FRMD4A: variants seen among roughly 807,000 people sequenced by gnomAD.
The protein encoded by FRMD4A is FERM domain-containing protein 4A.
In FRMD4A, 29 loss-of-function variants were observed where a neutral mutation model predicts 129.1. The ratio of observed to expected loss-of-function variants is 0.22; its 90% CI spans 0.17 to 0.31. FRMD4A has a LOEUF of 0.31. Among genes scored for constraint, FRMD4A ranks in the 10% least tolerant of loss-of-function variants. FRMD4A has a pLI of 1.00. For synonymous variants in FRMD4A, 634 were observed against 571.6 expected, an observed-to-expected ratio of 1.11 and a Z score of -1.56; for missense variants, 1,272 against 1,375.8, an observed-to-expected ratio of 0.92 and a Z score of 1.19.
At chr10:14,209,112 C>T (rs954013065) in intron 2 of FRMD4A, among the ~76,000 whole-genome samples, 2 of 152,124 alleles carry the variant, frequency 1.3e-5, no homozygotes, top group Non-Finnish European at 2.9e-5. Flanking sequence ...TTCTCTTCCT[C>T]ACTTTCCTTG....
At chr10:14,139,095 T>G (rs1839700051) in intron 2 of FRMD4A, among the ~76,000 whole-genome samples, 1 of 152,238 alleles carries the variant, frequency 6.6e-6, no homozygotes, top group South Asian at 2.1e-4. Context: ...TTTGTTAACA[T>G]TTTTTGTAAT....
intron 2 of FRMD4A, among the ~76,000 whole-genome samples, chr10:13,881,322 C>T (rs2094544298): frequency 6.6e-6 from 1 of 150,832 alleles, no homozygotes; most frequent in South Asian, 2.1e-4. Context: ...ACTGGGGAGG[C>T]TGAGGTGGGA....
At position 13,720,329 on chromosome 10, in the gene FRMD4A, A is replaced by G. The variant is rs144790591; in HGVS notation, c.760-13216T>C. The stretch of plus-strand genomic sequence containing the variant: ...CTCCCAAAGTGTTGGGATTACAGGC[A>G]TGAGCTACTGCACCTGGCCCCAGTT... On this transcript the variant is annotated intron_variant, in intron 12 of 24. Coordinates refer to ENST00000357447, the MANE Select transcript of FRMD4A (RefSeq NM_018027.5). Among the ~76,000 whole-genome samples the G allele has an allele frequency of 8.4e-3, 1,273 of 152,358 alleles. 16 individuals are homozygous for G. The highest frequency in any genetic ancestry group is 0.029 in the African/African-American group (1,213 of 41,590).
At chr10:13,851,788 C>G (rs527736088) in intron 3 of FRMD4A, among the ~76,000 whole-genome samples, 2 of 151,600 alleles carry the variant, frequency 1.3e-5, no homozygotes, top group Non-Finnish European at 1.5e-5. Flanking sequence ...TAATCCCAGC[C>G]ACTCAGGAGG....
intron 2 of FRMD4A, among the ~76,000 whole-genome samples, chr10:14,315,487 A>C (rs1180208618): frequency 6.6e-6 from 1 of 152,166 alleles, no homozygotes; most frequent in Non-Finnish European, 1.5e-5. Context: ...TGCTGATTTC[A>C]CCTAATCATT....
At chr10:13,959,173 A>T (rs1314265912) in intron 2 of FRMD4A, among the ~76,000 whole-genome samples, 1 of 152,156 alleles carries the variant, frequency 6.6e-6, no homozygotes, top group Non-Finnish European at 1.5e-5. Context: ...GTCTATCCAT[A>T]TTCAAAAGCT....
rs1305703884 is a variant in FRMD4A at position 14,258,652 on chromosome 10, A to G, written c.45+71406T>C. On this transcript the variant is annotated intron_variant, in intron 2 of 24. Transcript: ENST00000357447. ...GGAAAACAGTTGGGTAGATGACCCAATCATTTTATACCTAGGTATTTACTT... is the reference window on the plus strand; with the variant it reads ...GGAAAACAGTTGGGTAGATGACCCAGTCATTTTATACCTAGGTATTTACTT... 3.3e-5 allele frequency among the ~76,000 whole-genome samples: 5 copies of G among 152,216 alleles called. 1 individual carries two copies. The highest frequency in any genetic ancestry group is 2.6e-4 in the Admixed American group (4 of 15,286).
intron 2 of FRMD4A, among the ~76,000 whole-genome samples, chr10:13,926,700 C>A (rs1372717180): frequency 6.6e-6 from 1 of 150,380 alleles, no homozygotes; most frequent in Admixed American, 6.6e-5. Flanking sequence ...TTCATGTTTT[C>A]TACTTAAGAC....
At chr10:14,072,209 G>A (rs564019162) in intron 2 of FRMD4A, among the ~76,000 whole-genome samples, 1 of 152,104 alleles carries the variant, frequency 6.6e-6, no homozygotes, top group South Asian at 2.1e-4. Flanking sequence ...TGGCTAAATG[G>A]ATATGAAGAC....
At chr10:13,924,963 C>T (rs977175597) in intron 2 of FRMD4A, among the ~76,000 whole-genome samples, 3 of 148,978 alleles carry the variant, frequency 2.0e-5, no homozygotes, top group Non-Finnish European at 4.4e-5. Flanking sequence ...GCTCAGGAGG[C>T]TGAGGCAGGA....
At chr10:13,660,653 A>G (rs2082568825) in intron 19 of FRMD4A, 100 bp from the exon 20 acceptor site, 4 of 721,802 alleles carry the variant, frequency 5.5e-6, no homozygotes, top group Non-Finnish European at 4.8e-6. Flanking sequence ...GGAGCCACAC[A>G]GCCAAACCCA....
intron 3 of FRMD4A, among the ~76,000 whole-genome samples, chr10:13,847,426 C>G (rs558799651): frequency 6.6e-6 from 1 of 152,158 alleles, no homozygotes; most frequent in Non-Finnish European, 1.5e-5. Flanking sequence ...TTCCCCAGAC[C>G]GTTCGCTTCC....
chr10:13,654,858 T>C (rs2082002197), intron 22 of FRMD4A: 2 of 332,050 alleles, frequency 6.0e-6, no homozygotes, highest in Non-Finnish European at 5.4e-6. Context: ...AAGAATCTGA[T>C]GTCCCCATAG....
intron 8 of FRMD4A, among the ~76,000 whole-genome samples, chr10:13,757,254 T>G (rs995174269): frequency 6.6e-6 from 1 of 152,254 alleles, no homozygotes; most frequent in Non-Finnish European, 1.5e-5. Flanking sequence ...GACTTCCTGA[T>G]TGTCGACAGA....
chr10:14,229,172 C>T (rs1006965827), intron 2 of FRMD4A, among the ~76,000 whole-genome samples: 2 of 151,764 alleles, frequency 1.3e-5, no homozygotes, highest in African/African-American at 4.8e-5. Flanking sequence ...ACCCTGAACT[C>T]ATTTCCAGGA....
chr10:13,982,236 C>A (rs1237909732), intron 2 of FRMD4A, among the ~76,000 whole-genome samples: 1 of 152,034 alleles, frequency 6.6e-6, no homozygotes, highest in African/African-American at 2.4e-5. Context: ...GTAATCCCAG[C>A]ACTTTGGGAG....
chr10:14,112,757 C>G (rs1450890986), intron 2 of FRMD4A, among the ~76,000 whole-genome samples: 1 of 152,178 alleles, frequency 6.6e-6, no homozygotes, highest in African/African-American at 2.4e-5. Flanking sequence ...AACTCCTGAC[C>G]TCAGGTGATC....
At chr10:13,725,111 CTTGTT>C (rs1205365752) in intron 12 of FRMD4A, among the ~76,000 whole-genome samples, 3 of 152,106 alleles carry the variant, frequency 2.0e-5, no homozygotes, top group African/African-American at 7.2e-5. Context: ...CTTTATTTAC[CTTGTT>C]TTATTTCTCT....
intron 2 of FRMD4A, among the ~76,000 whole-genome samples, chr10:14,009,146 C>T (rs894295493): frequency 5.9e-5 from 9 of 152,154 alleles, no homozygotes; most frequent in Admixed American, 2.6e-4. Flanking sequence ...ATCACACAGC[C>T]TTCTTTGATG....
Sources: allele counts gnomAD v4.1 joint callset (sites outside exome capture counted in the v4.1 genomes callset), GRCh38; gene constraint gnomAD v4.1.1; transcripts MANE v1.5; gene names NCBI Gene and HGNC (gene_info 2026-07-23, HGNC 2026-07-21).